Variants in RASGEF1A observed in about 807,000 individuals in gnomAD.
The protein encoded by RASGEF1A is RasGEF domain family member 1A, also known as ras-GEF domain-containing family member 1A.
In RASGEF1A, 18 loss-of-function variants were observed where a neutral mutation model predicts 56.4. The ratio of observed to expected loss-of-function variants is 0.32; its 90% confidence interval spans 0.22 to 0.47. RASGEF1A has a LOEUF of 0.47. Ranked by LOEUF, RASGEF1A falls within the 20% of genes least tolerant of loss-of-function variation. The probability of loss-of-function intolerance (pLI) is 1.00; values close to 1 mark genes in which losing one functional copy is unlikely to be tolerated. For synonymous variants in RASGEF1A, 245 were observed against 242.6 expected, an observed-to-expected ratio of 1.01 and a Z score of -0.09; for missense variants, 422 against 627.1, an observed-to-expected ratio of 0.67 and a Z score of 3.49.
chr10:43,250,775 C>T (rs1840619731), intron 1 of RASGEF1A, among the ~76,000 whole-genome samples: 1 of 152,244 alleles, frequency 6.6e-6, no homozygotes, highest in Admixed American at 6.5e-5. Flanking sequence ...TGTGGCTCCG[C>T]TGTTTTCCCA....
chr10:43,212,802 C>T lies in RASGEF1A; in HGVS notation c.-6-6680G>A, dbSNP rs1840086201. On this transcript the variant is annotated intron_variant, in intron 1 of 12. Transcript: ENST00000395810. ...CTCAATACACCTCAGGGGAGAGGCACTTTTAGGGGACACAGCCTAAAACTT... is the reference window on the plus strand; with the variant it reads ...CTCAATACACCTCAGGGGAGAGGCATTTTTAGGGGACACAGCCTAAAACTT... 2.0e-5 allele frequency among the ~76,000 whole-genome samples: 3 copies of T among 152,200 alleles called. No individual in the cohort carries two copies. In the South Asian group the frequency reaches 6.2e-4, roughly 31 times the overall value.
At chr10:43,238,181 A>G (rs546868264) in intron 1 of RASGEF1A, among the ~76,000 whole-genome samples, 22 of 148,320 alleles carry the variant, frequency 1.5e-4, no homozygotes, top group African/African-American at 3.3e-4. Flanking sequence ...CAGGAGGGTT[A>G]GCCATGTCGA....
At chr10:43,203,909 AG>A (rs1446020027) in intron 2 of RASGEF1A, 2 of 383,052 alleles carry the variant, frequency 5.2e-6, no homozygotes, top group Non-Finnish European at 7.0e-6. Flanking sequence ...CCTCATCAGC[AG>A]GGGCGGGGCC....
At chr10:43,255,395 G>C (rs974576529) in intron 1 of RASGEF1A, among the ~76,000 whole-genome samples, 1 of 152,014 alleles carries the variant, frequency 6.6e-6, no homozygotes, top group Non-Finnish European at 1.5e-5. Flanking sequence ...TGAGAGAGCT[G>C]ACCACTGTCC....
chr10:43,244,230 C>T (rs1840544148), intron 1 of RASGEF1A, among the ~76,000 whole-genome samples: 1 of 151,600 alleles, frequency 6.6e-6, no homozygotes, highest in African/African-American at 2.4e-5. Context: ...TCTCAAGTAC[C>T]CAGGGACACA....
chr10:43,255,942 C>T (rs1302405196), intron 1 of RASGEF1A, among the ~76,000 whole-genome samples: 1 of 152,194 alleles, frequency 6.6e-6, no homozygotes, highest in African/African-American at 2.4e-5. Context: ...TTCTCCGATG[C>T]CCTCCTTCCT....
intron 1 of RASGEF1A, among the ~76,000 whole-genome samples, chr10:43,243,779 C>T (rs544625202): frequency 9.3e-4 from 138 of 148,826 alleles, no homozygotes; most frequent in African/African-American, 3.2e-3. Context: ...TCTGCCTGGC[C>T]GCCCTGTCTG....
intron 1 of RASGEF1A, among the ~76,000 whole-genome samples, chr10:43,216,349 C>T (rs1364847584): frequency 1.3e-5 from 2 of 152,200 alleles, no homozygotes; most frequent in African/African-American, 2.4e-5. Flanking sequence ...CTCCCCTCCC[C>T]AGGAGGCTCC....
intron 1 of RASGEF1A, among the ~76,000 whole-genome samples, chr10:43,224,743 CATA>C (rs1840250740): frequency 6.6e-6 from 1 of 152,096 alleles, no homozygotes; most frequent in East Asian, 1.9e-4. Context: ...TTTTAGAAAA[CATA>C]ATAAGATAAG....
At chr10:43,250,896 C>T (rs753485064) in intron 1 of RASGEF1A, among the ~76,000 whole-genome samples, 5 of 152,186 alleles carry the variant, frequency 3.3e-5, no homozygotes, top group African/African-American at 7.2e-5. Flanking sequence ...CACTGACCCG[C>T]AACCCTGCTG....
chr10:43,240,876 CA>C, intron 1 of RASGEF1A, among the ~76,000 whole-genome samples: 1 of 152,208 alleles, frequency 6.6e-6, no homozygotes, highest in South Asian at 2.1e-4. Context: ...CAACAAACTC[CA>C]GGTAGATTTC....
intron 6 of RASGEF1A, 46 bp downstream of exon 6, chr10:43,200,136 G>T: frequency 6.7e-7 from 1 of 1,487,390 alleles, no homozygotes; most frequent in East Asian, 2.4e-5. Context: ...CGCAAGTGCT[G>T]GGCAGACAGG....
At chr10:43,258,042 T>C (rs1381841613) in intron 1 of RASGEF1A, among the ~76,000 whole-genome samples, 1 of 152,188 alleles carries the variant, frequency 6.6e-6, no homozygotes, top group East Asian at 1.9e-4. Context: ...AGGTTTCCAG[T>C]GGGCATCTGG....
At chr10:43,241,295 G>A (rs145170772) in intron 1 of RASGEF1A, among the ~76,000 whole-genome samples, 45 of 152,280 alleles carry the variant, frequency 3.0e-4, no homozygotes, top group African/African-American at 1.1e-3. Context: ...GAATGTGCCT[G>A]AATTAAAAGA....
intron 1 of RASGEF1A, among the ~76,000 whole-genome samples, chr10:43,225,921 C>T (rs913972567): frequency 6.6e-6 from 1 of 152,136 alleles, no homozygotes; most frequent in African/African-American, 2.4e-5. Flanking sequence ...GCATACTTAC[C>T]GGCCCAAGGC....
chr10:43,231,623 G>A (rs1039070346), intron 1 of RASGEF1A, among the ~76,000 whole-genome samples: 13 of 152,382 alleles, frequency 8.5e-5, no homozygotes, highest in Middle Eastern at 6.8e-3. Context: ...ACGCTTCCCC[G>A]GGAGGAATGG....
chr10:43,243,121 T>G (rs371294194), intron 1 of RASGEF1A, among the ~76,000 whole-genome samples: 6 of 142,022 alleles, frequency 4.2e-5, no homozygotes, highest in Non-Finnish European at 7.6e-5. Context: ...GTCTGGGATG[T>G]GAGGAGCGCC....
chr10:43,262,655 T>C (rs767601014), intron 1 of RASGEF1A, among the ~76,000 whole-genome samples: 1 of 152,186 alleles, frequency 6.6e-6, no homozygotes, highest in African/African-American at 2.4e-5. Context: ...CAGGGGATCA[T>C]AGACAAGTAC....
intron 1 of RASGEF1A, chr10:43,208,200 A>C: frequency 1.0e-6 from 1 of 985,466 alleles, no homozygotes; most frequent in Non-Finnish European, 1.2e-6. Flanking sequence ...AACCTTGGTC[A>C]GTTGGGCCTC....
Sources: gnomAD v4.1 joint callset for allele counts (sites outside exome capture counted in the v4.1 genomes callset) on GRCh38, gnomAD v4.1.1 for gene constraint, MANE v1.5 for transcripts, NCBI Gene and HGNC (gene_info 2026-07-23, HGNC 2026-07-21) for gene names.